The following CHAMP1 variants were observed in gnomAD, a reference collection of about 807,000 sequenced individuals.
CHAMP1 encodes the protein chromosome alignment maintaining phosphoprotein 1.
A neutral mutation model predicts 54.5 loss-of-function variants in CHAMP1; 4 were observed. That is an observed-to-expected ratio of 0.07 (90% CI 0.04 to 0.17). The LOEUF is 0.17. CHAMP1 is among the 10% of genes least tolerant of loss of function. CHAMP1 has a pLI of 1.00. For missense variants in CHAMP1, 994 were observed against 968.6 expected, an observed-to-expected ratio of 1.03 and a Z score of -0.35; for synonymous variants, 368 against 342.2, an observed-to-expected ratio of 1.08 and a Z score of -0.83.
chr13:114,315,840 T>C (rs566548767), intron 1 of CHAMP1, among the ~76,000 whole-genome samples: 1 of 151,538 alleles, frequency 6.6e-6, no homozygotes, highest in African/African-American at 2.4e-5. Context: ...GTTTTGTTTT[T>C]TTTTTTTTTT....
chr13:114,315,640 T>C (rs2087087503), intron 1 of CHAMP1, among the ~76,000 whole-genome samples: 1 of 152,126 alleles, frequency 6.6e-6, no homozygotes, highest in African/African-American at 2.4e-5. Flanking sequence ...AAAGACATAC[T>C]GTATGATTCC....
chr13:114,318,096 CT>C (rs2087120614), intron 1 of CHAMP1, among the ~76,000 whole-genome samples: 1 of 152,130 alleles, frequency 6.6e-6, no homozygotes, highest in Non-Finnish European at 1.5e-5. Flanking sequence ...TCTGTAACAT[CT>C]TCGTGGATCG....
Position 114,324,324 on chromosome 13 carries a change from CTGT to C in CHAMP1, c.487_489del (p.Val163del). On this transcript the variant is annotated inframe_deletion, in exon 3 of 3. Transcript: ENST00000361283. ...CCCCTGGAGCCTCAGAAACCTGGCT[CTGT>C]TGTTTCTCCTGAGCTACAGACACCT... 1 of 1,614,110 alleles carries C rather than the reference CTGT, an allele frequency of 6.2e-7. No individual in the cohort carries two copies. The highest frequency in any genetic ancestry group is 8.5e-7 in the Non-Finnish European group (1 of 1,180,022).
chr13:114,318,773 A>T (rs2087131555), intron 1 of CHAMP1, among the ~76,000 whole-genome samples: 1 of 145,398 alleles, frequency 6.9e-6, no homozygotes, highest in Admixed American at 7.0e-5. Flanking sequence ...TATATTATCT[A>T]TAATTCTTCC....
At position 114,324,269 on chromosome 13, in the gene CHAMP1, C is replaced by T. The variant is rs782232019; in HGVS notation, c.427C>T (p.Pro143Ser). The T allele has an allele frequency of 2.5e-6, 4 of 1,614,158 alleles. No individual in the cohort carries two copies. Among genetic ancestry groups the T allele is most frequent in the Admixed American group, 3.3e-5 (2 of 60,016 alleles). The change falls in exon 3 of 3, where the codon CCA (proline) becomes TCA (serine). Residue 143 changes from proline to serine, a missense_variant. By Grantham distance (74) the Pro-to-Ser change is moderately conservative. This residue lies in a region of CHAMP1 where 851 missense variants were observed against 701.3 expected (regional missense o/e 1.21). Transcript: ENST00000361283. ...ACAGAAACTTGGTTCAGTTTTGTCT[C>T]CAGAATCGCCAAAACCTACTCCTCT... ...ETQKLGSVLS[P>S]ESPKPTPLTP...
At position 114,325,657 on chromosome 13, in the gene CHAMP1, G is replaced by C; in HGVS notation, c.1815G>C (p.Lys605Asn). The C allele has an allele frequency of 1.2e-6, 2 of 1,614,114 alleles. No homozygotes were observed. The highest frequency in any genetic ancestry group is 1.7e-6 in the Non-Finnish European group (2 of 1,180,022). The stretch of plus-strand genomic sequence containing the variant: ...AGGAAGAACTTCTAGCTTCACCTAA[G>C]AAACTCTTAGAAGATACTTTATTTC... The part of the protein sequence containing the change: ...LVQEELLASP[K>N]KLLEDTLFPS... Residue 605 changes from lysine (K) to asparagine (N), a missense_variant, in exon 3 of 3, where the codon AAG becomes AAC. Physicochemically the swap from Lys to Asn is moderately conservative, Grantham distance 94. Transcript: ENST00000361283.
chr13:114,320,085 T>C (rs965535214), intron 1 of CHAMP1, among the ~76,000 whole-genome samples: 6 of 152,108 alleles, frequency 3.9e-5, no homozygotes, highest in Non-Finnish European at 7.4e-5. Context: ...AGGAGACTAG[T>C]GGCAGGGAGT....
intron 1 of CHAMP1, among the ~76,000 whole-genome samples, chr13:114,315,835 G>GT (rs1194478086): frequency 0.062 from 8,011 of 129,864 alleles, 246 homozygotes; most frequent in Middle Eastern, 0.11. Flanking sequence ...GGCAAGTTTT[G>GT]TTTTTTTTTT....
intron 2 of CHAMP1, 127 bp from the exon 3 acceptor site, chr13:114,323,661 C>T (rs2087200208): frequency 4.1e-6 from 3 of 734,144 alleles, no homozygotes; most frequent in Non-Finnish European, 6.3e-6. Flanking sequence ...TCAAATTCTC[C>T]CTAGAGATAC....
chr13:114,320,955 C>CAAAAAAAA (rs1233050968), intron 1 of CHAMP1, among the ~76,000 whole-genome samples, 155 bp from the exon 2 acceptor site: 43 of 122,486 alleles, frequency 3.5e-4, no homozygotes, highest in Admixed American at 5.8e-4. Context: ...GACTCTGTCT[C>CAAAAAAAA]AAAAAAAAAA....
intron 1 of CHAMP1, among the ~76,000 whole-genome samples, 176 bp from the exon 2 acceptor site, chr13:114,320,934 C>G (rs1333178200): frequency 1.4e-5 from 2 of 147,720 alleles, no homozygotes; most frequent in Admixed American, 1.3e-4. Flanking sequence ...CCAGCCTGGG[C>G]GACAGAGCAA....
Position 114,326,334 on chromosome 13 carries a change from G to A in CHAMP1, c.*53G>A, listed in dbSNP as rs573063891. ...AAGGTGTTTGTTGGAACCATTCTTT[G>A]TAAGTATAGCTTATCAGATAGCATA... On this transcript the variant is annotated 3_prime_UTR_variant, in exon 3 of 3. Transcript: ENST00000361283. The A allele has an allele frequency of 1.5e-3, 2,317 of 1,513,886 alleles. 1 individual carries two copies. Among genetic ancestry groups the A allele is most frequent in the Non-Finnish European group, 1.7e-3 (1,965 of 1,133,220 alleles). 93.8% of individuals were successfully genotyped at this position (1,513,886 alleles called of 1,614,324 possible).
In CHAMP1 at chr13:114,327,071, GTT is replaced by G. The variant is rs1396761108; in HGVS notation, c.*792_*793del. 23 of 158,688 alleles carry G rather than the reference GTT, an allele frequency of 1.4e-4. No individual in the cohort carries two copies. Among genetic ancestry groups the G allele is most frequent in the African/African-American group, 5.5e-4 (21 of 38,250 alleles). 9.8% of individuals were successfully genotyped at this position (158,688 alleles called of 1,614,324 possible). ...ATTCTTAATTGCCAAATGTGTTAGA[GTT>G]TGTATATCCTACTCCTGGGCCTTAC... is the stretch of plus-strand genomic sequence containing the variant. On this transcript the variant is annotated 3_prime_UTR_variant, in exon 3 of 3. Coordinates refer to ENST00000361283, the MANE Select transcript of CHAMP1 (RefSeq NM_032436.4).
chr13:114,323,770 A>G lies in CHAMP1; in HGVS notation c.-55-18A>G. On this transcript the variant is annotated intron_variant, in intron 2 of 2. Transcript: ENST00000361283. Reference sequence around the variant, plus strand: ...GAATTACAGTTCATGAAAATAATTTATTCCTACTTTATTGCAGCAGTATTG... The same window carrying G: ...GAATTACAGTTCATGAAAATAATTTGTTCCTACTTTATTGCAGCAGTATTG... The G allele has an allele frequency of 6.7e-7, 1 of 1,503,112 alleles. No individual in the cohort carries two copies. The highest frequency in any genetic ancestry group is 8.9e-7 in the Non-Finnish European group (1 of 1,121,640). 93.1% of individuals were successfully genotyped at this position (1,503,112 alleles called of 1,614,324 possible).
intron 1 of CHAMP1, among the ~76,000 whole-genome samples, chr13:114,318,665 A>C (rs936398828): frequency 5.9e-5 from 9 of 151,912 alleles, no homozygotes; most frequent in African/African-American, 1.9e-4. Context: ...TACCTGACAA[A>C]GGAACTCGTT....
chr13:114,324,488 G>C lies in CHAMP1; in HGVS notation c.646G>C (p.Glu216Gln), dbSNP rs1555379484. ...ACAGAAACCTGCCCCTGTATCTCCT[G>C]AGTCAGTAAAGGCTACTCTTAGTAA... ...EPQKPAPVSPESVKATLSNPK... is the reference protein window; with the variant it reads ...EPQKPAPVSPQSVKATLSNPK... Residue 216 changes from glutamate (E) to glutamine (Q), a missense_variant, in exon 3 of 3, where the codon GAG becomes CAG. Around this residue, in one of 3 missense-constraint regions of CHAMP1, gnomAD observed 851 missense variants for 701.3 expected, o/e 1.21. Transcript: ENST00000361283. 6.2e-7 allele frequency: 1 copy of C among 1,614,036 alleles called. No individual in the cohort carries two copies. The highest frequency in any genetic ancestry group is 2.2e-5 in the East Asian group (1 of 44,892).
chr13:114,322,878 A>G (rs2087191849), intron 2 of CHAMP1: 1 of 152,224 alleles, frequency 6.6e-6, no homozygotes, highest in African/African-American at 2.4e-5. Flanking sequence ...GACACTCTGT[A>G]TCTCGTACTG....
chr13:114,317,430 A>G (rs2087113451), intron 1 of CHAMP1, among the ~76,000 whole-genome samples: 1 of 151,940 alleles, frequency 6.6e-6, no homozygotes, highest in Admixed American at 6.6e-5. Flanking sequence ...GTTCAGGACC[A>G]GCCTGGACAA....
chr13:114,323,106 C>T (rs1303730967), intron 2 of CHAMP1: 1 of 152,206 alleles, frequency 6.6e-6, no homozygotes, highest in Non-Finnish European at 1.5e-5. Flanking sequence ...ACATCACTCT[C>T]CACCTTATCT....
Sources: gnomAD v4.1 joint callset for allele counts (sites outside exome capture counted in the v4.1 genomes callset) on GRCh38, gnomAD v4.1.1 for gene constraint, gnomAD v4.1.1 regional missense constraint, MANE v1.5 for transcripts, NCBI Gene and HGNC (gene_info 2026-07-23, HGNC 2026-07-21) for gene names.